CTNNA3: variants seen among roughly 807,000 people sequenced by gnomAD.
CTNNA3 encodes the protein catenin alpha-3.
CTNNA3 carries 76 observed loss-of-function variants against 95.7 expected under a neutral mutation model. The observed-to-expected ratio is 0.79, with a 90% CI of 0.66 to 0.96. The LOEUF (loss-of-function observed/expected upper bound fraction) is 0.96, where lower values mean the gene tolerates loss of function less well. Among genes scored for constraint, CTNNA3 ranks in the 40% least tolerant of loss-of-function variants. The probability of loss-of-function intolerance (pLI) is 0.00; values close to 1 mark genes in which losing one functional copy is unlikely to be tolerated. For missense variants in CTNNA3, 1,191 were observed against 1,089.8 expected (o/e 1.09, Z -1.31); for synonymous variants, 431 against 374.4 (o/e 1.15, Z -1.74).
chr10:66,923,220 C>A (rs1846881876), intron 7 of CTNNA3, among the ~76,000 whole-genome samples: 1 of 152,128 alleles, frequency 6.6e-6, no homozygotes, highest in Admixed American at 6.5e-5. Context: ...TGTAACACAG[C>A]AGAGAATAAT....
chr10:67,566,757 A>G (rs921488712), intron 3 of CTNNA3, among the ~76,000 whole-genome samples: 1 of 152,102 alleles, frequency 6.6e-6, no homozygotes, highest in Admixed American at 6.6e-5. Flanking sequence ...AAGAGCAAAG[A>G]CTTGGAACCA....
chr10:66,193,547 ACT>A (rs1235297406), intron 13 of CTNNA3, among the ~76,000 whole-genome samples: 2 of 152,170 alleles, frequency 1.3e-5, no homozygotes, highest in African/African-American at 4.8e-5. Context: ...TGAACTACAG[ACT>A]CTAAAAGAAT....
Position 66,262,440 on chromosome 10 carries a change from A to G in CTNNA3, c.1884+18030T>C, listed in dbSNP as rs1030071841. Among the ~76,000 whole-genome samples, 3 of 152,158 alleles carry G rather than the reference A, an allele frequency of 2.0e-5. No individual in the cohort carries two copies. In the East Asian group the frequency reaches 5.8e-4, roughly 29 times the overall value. ...GTTTTGCTTACCTAAGGAAAAGCTT[A>G]CAAGAAGGAGCTGTGTCAACAGTAG... On this transcript the variant is annotated intron_variant, in intron 13 of 17. Coordinates refer to ENST00000433211, the MANE Select transcript of CTNNA3 (RefSeq NM_013266.4).
At chr10:67,442,046 G>C (rs902020645) in intron 5 of CTNNA3, among the ~76,000 whole-genome samples, 1 of 152,122 alleles carries the variant, frequency 6.6e-6, no homozygotes. Context: ...AGACCTAAGA[G>C]AAACAACCAA....
chr10:66,928,072 A>G, intron 7 of CTNNA3: 10 of 1,614,084 alleles, frequency 6.2e-6, no homozygotes, highest in Non-Finnish European at 8.5e-6. Context: ...CAAGCTCCCC[A>G]GGCCGAAGCA....
intron 9 of CTNNA3, among the ~76,000 whole-genome samples, chr10:66,665,840 C>T (rs1257145819): frequency 1.3e-5 from 2 of 152,060 alleles, no homozygotes; most frequent in African/African-American, 4.8e-5. Flanking sequence ...CTAAACTATT[C>T]TCAGAGATTA....
chr10:66,894,416 C>G (rs1845395426), intron 7 of CTNNA3, among the ~76,000 whole-genome samples: 1 of 152,048 alleles, frequency 6.6e-6, no homozygotes, highest in Non-Finnish European at 1.5e-5. Context: ...AAGCTTCCCT[C>G]TCTCTTCCTT....
Position 67,382,693 on chromosome 10 carries a change from T to C in CTNNA3, c.579+139149A>G, listed in dbSNP as rs1843993121. Among the ~76,000 whole-genome samples, 3 of 152,160 alleles carry C rather than the reference T, an allele frequency of 2.0e-5. No homozygotes were observed. In the South Asian group the frequency reaches 6.2e-4, roughly 31 times the overall value. ...AAGGAAATAACCTGAGGCTGGGTGA[T>C]TTATAAAGAAAAGAGGTTTATTTGA... On this transcript the variant is annotated intron_variant, in intron 5 of 17. Transcript: ENST00000433211.
Position 66,298,096 on chromosome 10 carries a change from A to C in CTNNA3, c.1733-17475T>G, listed in dbSNP as rs1023132436. Among the ~76,000 whole-genome samples the C allele has an allele frequency of 4.6e-5, 7 of 152,328 alleles. No homozygotes were observed. The South Asian group carries it at 6.2e-4, about 14-fold the overall frequency. On this transcript the variant is annotated intron_variant, in intron 12 of 17. Coordinates refer to ENST00000433211, the MANE Select transcript of CTNNA3 (RefSeq NM_013266.4). ...TCATTGTTTGTGTATGTGCAACCAC[A>C]GCAGAAATCATGAAAGCAGCAGCAG...
At chr10:66,877,661 G>A (rs1044329845) in intron 7 of CTNNA3, among the ~76,000 whole-genome samples, 23 of 152,132 alleles carry the variant, frequency 1.5e-4, no homozygotes, top group African/African-American at 1.7e-4. Flanking sequence ...TTCCTGCTTC[G>A]GGCCTCATGA....
chr10:67,733,869 A>T (rs1398204932), intron 1 of CTNNA3, among the ~76,000 whole-genome samples: 1 of 152,226 alleles, frequency 6.6e-6, no homozygotes, highest in Non-Finnish European at 1.5e-5. Flanking sequence ...ATTAAAAAAT[A>T]GCAAAAGATG....
chr10:65,957,745 C>T (rs963166258), intron 17 of CTNNA3, among the ~76,000 whole-genome samples: 12 of 152,110 alleles, frequency 7.9e-5, no homozygotes, highest in East Asian at 1.9e-4. Context: ...GAGTTTCTGC[C>T]GAGAGATCTG....
chr10:67,241,144 G>A (rs1446504188), intron 5 of CTNNA3, among the ~76,000 whole-genome samples: 2 of 152,104 alleles, frequency 1.3e-5, no homozygotes, highest in Non-Finnish European at 2.9e-5. Context: ...GTCAGGGCCA[G>A]GGGTGATGGC....
chr10:67,017,572 T>C (rs1016243809), intron 7 of CTNNA3, among the ~76,000 whole-genome samples: 6 of 152,174 alleles, frequency 3.9e-5, no homozygotes, highest in Non-Finnish European at 7.4e-5. Flanking sequence ...TGATTCACCC[T>C]CTTGCAGTAA....
chr10:66,374,502 A>C (rs1163004215), intron 12 of CTNNA3, among the ~76,000 whole-genome samples: 1 of 151,784 alleles, frequency 6.6e-6, no homozygotes, highest in Non-Finnish European at 1.5e-5. Context: ...TTTTCTTTTT[A>C]ATTCTAACAT....
chr10:66,837,084 GAGAAAAAA>G (rs1241346479), intron 7 of CTNNA3, among the ~76,000 whole-genome samples: 1 of 151,620 alleles, frequency 6.6e-6, no homozygotes, highest in Non-Finnish European at 1.5e-5. Flanking sequence ...TCAATGTGCA[GAGAAAAAA>G]AAAGTGGATC....
chr10:66,382,742 G>A (rs1448548377), intron 11 of CTNNA3, among the ~76,000 whole-genome samples: 1 of 152,108 alleles, frequency 6.6e-6, no homozygotes, highest in South Asian at 2.1e-4. Flanking sequence ...CCAGAGGAAG[G>A]ATCAGGCAGC....
intron 7 of CTNNA3, among the ~76,000 whole-genome samples, chr10:66,809,768 C>T (rs1248005466): frequency 7.9e-5 from 12 of 150,964 alleles, no homozygotes; most frequent in African/African-American, 2.7e-4. Flanking sequence ...GTTTTCTATT[C>T]CCATTTAATT....
chr10:67,045,635 C>T (rs1854687600), intron 7 of CTNNA3, among the ~76,000 whole-genome samples: 1 of 152,206 alleles, frequency 6.6e-6, no homozygotes, highest in Admixed American at 6.5e-5. Context: ...CCCCGTTTCC[C>T]AGGACTAGGG....
Sources: allele counts gnomAD v4.1 joint callset (sites outside exome capture counted in the v4.1 genomes callset), GRCh38; gene constraint gnomAD v4.1.1; transcripts MANE v1.5; gene names NCBI Gene and HGNC (gene_info 2026-07-23, HGNC 2026-07-21).